FRMPD4: variants seen among roughly 807,000 people sequenced by gnomAD.
FRMPD4 encodes FERM and PDZ domain-containing protein 4.
In FRMPD4, 22 loss-of-function variants were observed where a neutral mutation model predicts 94.1. The observed-to-expected ratio is 0.23, with a 90% CI of 0.17 to 0.33. FRMPD4 has a LOEUF of 0.33. FRMPD4 is among the 10% of genes least tolerant of loss of function. The pLI, the probability that FRMPD4 is intolerant of heterozygous loss-of-function variation, is 1.00. For synonymous variants in FRMPD4, 631 were observed against 548.6 expected (o/e 1.15, Z -2.10); for missense variants, 1,111 against 1,339.9 (o/e 0.83, Z 2.67).
intron 2 of FRMPD4, among the ~76,000 whole-genome samples, chrX:12,529,939 C>T (rs1377558163): frequency 2.7e-5 from 3 of 110,249 alleles, no homozygotes; most frequent in African/African-American, 9.9e-5. Flanking sequence ...CACCAGTTCT[C>T]AGAGATTTCT....
chrX:12,442,060 T>C (rs1271262473), intron 1 of FRMPD4, among the ~76,000 whole-genome samples: 3 of 111,747 alleles, frequency 2.7e-5, no homozygotes, highest in Non-Finnish European at 5.6e-5. Context: ...AGGGTAACCA[T>C]ATGTCACCGT....
At chrX:12,092,900 G>A (rs1265682080) in intron 3 of FRMPD4, among the ~76,000 whole-genome samples, 1 of 111,605 alleles carries the variant, frequency 9.0e-6, no homozygotes, top group Non-Finnish European at 1.9e-5. Context: ...GTGCTGGAAG[G>A]GAGACTCCAG....
At chrX:12,526,136 C>T (rs1430249652) in intron 2 of FRMPD4, among the ~76,000 whole-genome samples, 1 of 112,235 alleles carries the variant, frequency 8.9e-6, no homozygotes, top group Admixed American at 9.4e-5. Flanking sequence ...TGCCTCCTCA[C>T]AGGAGCAGCA....
chrX:12,650,987 A>G (rs1461802426), intron 4 of FRMPD4, among the ~76,000 whole-genome samples: 6 of 113,049 alleles, frequency 5.3e-5, no homozygotes, highest in Admixed American at 1.9e-4. Context: ...AGCATGCAGT[A>G]TCAGTGTTTG....
At chrX:12,103,686 C>A (rs12858056) in intron 3 of FRMPD4, among the ~76,000 whole-genome samples, 1 of 110,514 alleles carries the variant, frequency 9.0e-6, no homozygotes, top group African/African-American at 3.3e-5. Context: ...TTTCTTAATG[C>A]AAAAGTAAAT....
intron 3 of FRMPD4, among the ~76,000 whole-genome samples, chrX:12,121,055 TAA>T (rs987504666): frequency 1.7e-4 from 18 of 108,982 alleles, no homozygotes; most frequent in East Asian, 5.6e-4. Flanking sequence ...ATAATAATAC[TAA>T]GACTTTATTT....
chrX:11,893,316 A>G (rs2053884880), intron 3 of FRMPD4, among the ~76,000 whole-genome samples: 1 of 111,986 alleles, frequency 8.9e-6, no homozygotes, highest in African/African-American at 3.2e-5. Flanking sequence ...TTTACTTTAT[A>G]AAAATTTCAA....
At chrX:12,649,167 C>G (rs962719072) in intron 4 of FRMPD4, among the ~76,000 whole-genome samples, 1 of 111,579 alleles carries the variant, frequency 9.0e-6, no homozygotes, top group Non-Finnish European at 1.9e-5. Context: ...GGACAAGTGT[C>G]AAGATCCTGC....
At chrX:12,364,823 C>T (rs942381354) in intron 1 of FRMPD4, among the ~76,000 whole-genome samples, 1 of 112,182 alleles carries the variant, frequency 8.9e-6, no homozygotes, top group Non-Finnish European at 1.9e-5. Flanking sequence ...ATTCAAATAG[C>T]TTCCCCTGGT....
chrX:12,243,061 T>C (rs1482643165), intron 1 of FRMPD4, among the ~76,000 whole-genome samples: 1 of 112,080 alleles, frequency 8.9e-6, no homozygotes, highest in Non-Finnish European at 1.9e-5. Flanking sequence ...AAAAAATCTT[T>C]TGTAGAAATG....
chrX:12,044,851 A>C (rs761249202), intron 3 of FRMPD4, among the ~76,000 whole-genome samples: 1 of 112,129 alleles, frequency 8.9e-6, no homozygotes. Context: ...AGAAAATGCT[A>C]TGGAAATGAA....
chrX:12,544,182 A>C (rs2058450047), intron 2 of FRMPD4, among the ~76,000 whole-genome samples: 1 of 110,306 alleles, frequency 9.1e-6, no homozygotes, highest in South Asian at 4.0e-4. Context: ...ACATGTATAC[A>C]TATGTAACAA....
chrX:11,967,756 G>GTGTGTGTGTTTTTTT (rs36019385), intron 3 of FRMPD4, among the ~76,000 whole-genome samples: 1 of 65,556 alleles, frequency 1.5e-5, no homozygotes, highest in Non-Finnish European at 2.8e-5. Flanking sequence ...GTGTGTGTGT[G>GTGTGTGTGTTTTTTT]TTTTTTTTTT....
chrX:11,922,589 G>C (rs1189113771), intron 3 of FRMPD4, among the ~76,000 whole-genome samples: 3 of 112,016 alleles, frequency 2.7e-5, no homozygotes, highest in African/African-American at 9.7e-5. Flanking sequence ...AGCTCCAGGG[G>C]AATTGGTGAT....
intron 1 of FRMPD4, among the ~76,000 whole-genome samples, chrX:11,863,028 G>T (rs1481628186): frequency 1.0e-5 from 1 of 98,294 alleles, no homozygotes; most frequent in Non-Finnish European, 2.0e-5. Flanking sequence ...AAGTTTTAGG[G>T]TACATGTGCA....
intron 3 of FRMPD4, chrX:12,054,782 T>A (rs761581752): frequency 9.8e-5 from 11 of 112,089 alleles, no homozygotes; most frequent in African/African-American, 3.2e-4. Flanking sequence ...TGTATATCAA[T>A]TTTTTTAAGT....
chrX:12,087,687 C>G (rs756183335), intron 3 of FRMPD4, among the ~76,000 whole-genome samples: 32 of 112,235 alleles, frequency 2.9e-4, no homozygotes, highest in Admixed American at 2.6e-3. Flanking sequence ...AATGACAAGG[C>G]AAAGGATTGA....
chrX:12,601,839 C>T (rs1290971079), intron 2 of FRMPD4, among the ~76,000 whole-genome samples: 5 of 111,344 alleles, frequency 4.5e-5, no homozygotes, highest in South Asian at 7.7e-4. Context: ...GGTGCCTTGC[C>T]GGGCATCCCA....
intron 3 of FRMPD4, among the ~76,000 whole-genome samples, chrX:12,133,209 A>ATTTATTTTATTTTATTTTATTTTAT (rs60859880): frequency 4.8e-4 from 47 of 98,158 alleles, no homozygotes; most frequent in African/African-American, 1.6e-3. Context: ...GTTTCTAAAA[A>ATTTATTTTATTTTATTTTATTTTAT]TTTATTTTAT....
Sources: gnomAD v4.1 joint callset for allele counts (sites outside exome capture counted in the v4.1 genomes callset) on GRCh38, gnomAD v4.1.1 for gene constraint, MANE v1.5 for transcripts, NCBI Gene and HGNC (gene_info 2026-07-23, HGNC 2026-07-21) for gene names.